RYR1: variants seen among roughly 807,000 people sequenced by gnomAD.
RYR1 encodes central core disease of muscle.
Under a neutral mutation model 583.5 loss-of-function variants are expected in RYR1, and 342 were observed. The ratio of observed to expected loss-of-function variants is 0.59; its 90% CI spans 0.54 to 0.64. The LOEUF is 0.64. RYR1 is among the 30% of genes least tolerant of loss of function. RYR1 has a pLI of 0.00. For synonymous variants in RYR1, 2,791 were observed against 2,822.5 expected (o/e 0.99, Z 0.35); for missense variants, 6,032 against 6,917.2 (o/e 0.87, Z 4.54).
intron 7 of RYR1, among the ~76,000 whole-genome samples, chr19:38,445,477 C>G (rs556499927): frequency 9.1e-4 from 139 of 152,208 alleles, no homozygotes; most frequent in Non-Finnish European, 1.3e-3. Flanking sequence ...GACCCCAAGT[C>G]TCATACCCCA....
chr19:38,509,601 G>A (rs891371596), intron 58 of RYR1, among the ~76,000 whole-genome samples: 1 of 151,808 alleles, frequency 6.6e-6, no homozygotes, highest in African/African-American at 2.4e-5. Flanking sequence ...ACAGGCGCCT[G>A]CCACCATGCC....
At position 38,486,104 on chromosome 19, in the gene RYR1, G is replaced by C. The variant is rs1226067568; in HGVS notation, c.5449G>C (p.Glu1817Gln). Residue 1817 changes from glutamate to glutamine, a missense_variant, in exon 34 of 106, where the codon GAG (glutamate) becomes CAG (glutamine). Around this residue, in one of 11 missense-constraint regions of RYR1, gnomAD observed 2,627 missense variants for 2,961.3 expected, o/e 0.89. Transcript: ENST00000359596. ...GGACAAGGCACTGAGGATGCTGGGGGAGGCGGTGCGCGACGGTGGGCAGCA... is the reference window on the plus strand; with the variant it reads ...GGACAAGGCACTGAGGATGCTGGGGCAGGCGGTGCGCGACGGTGGGCAGCA... ...LRDKALRMLG[E>Q]AVRDGGQHAR... is the part of the protein sequence containing the mutation. The C allele has an allele frequency of 6.2e-7, 1 of 1,612,934 alleles. No individual in the cohort carries two copies. The highest frequency in any genetic ancestry group is 8.5e-7 in the Non-Finnish European group (1 of 1,179,706).
At chr19:38,464,175 G>A (rs1024980464) in intron 22 of RYR1, among the ~76,000 whole-genome samples, 10 of 150,028 alleles carry the variant, frequency 6.7e-5, no homozygotes, top group Admixed American at 2.7e-4. Context: ...TCCTCAGGAG[G>A]CTGAGGCAGG....
intron 9 of RYR1, 114 bp downstream of exon 9, chr19:38,446,882 G>A: frequency 1.2e-6 from 1 of 815,956 alleles, no homozygotes; most frequent in Non-Finnish European, 1.9e-6. Context: ...GGGTCTCGAG[G>A]GAAAATCAGA....
chr19:38,546,459 CGAGCTGCTGAAG>C lies in RYR1; in HGVS notation c.12037_12048del (p.Lys4013_Leu4016del), dbSNP rs1972429577. 6.2e-7 allele frequency: 1 copy of C among 1,613,830 alleles called. No homozygotes were observed. Among genetic ancestry groups the C allele is most frequent in the Non-Finnish European group, 8.5e-7 (1 of 1,179,928 alleles). On this transcript the variant is annotated inframe_deletion, in exon 88 of 106. Coordinates refer to ENST00000359596, the MANE Select transcript of RYR1 (RefSeq NM_000540.3). ...GGGATCTCTAGGACTCAAGCCAGAT[CGAGCTGCTGAAG>C]GAGCTGCTGGATCTGCAGAAGGACA...
rs35479919 is a variant in RYR1, at chr19:38,471,899, C to CAAA, written c.3766-1459_3766-1457dup. 9.7e-3 allele frequency among the ~76,000 whole-genome samples: 580 copies of CAAA among 59,838 alleles called. 8 individuals are homozygous for CAAA. Among genetic ancestry groups the CAAA allele is most frequent in the Non-Finnish European group, 0.015 (415 of 28,032 alleles). The allele number at this position is 59,838 out of a possible 152,430, so 39.3% of individuals were successfully genotyped here. On this transcript the variant is annotated intron_variant, in intron 27 of 105. Coordinates refer to ENST00000359596, the MANE Select transcript of RYR1 (RefSeq NM_000540.3). ...CCTGGGTGACAGCGAGACTCTGTCT[C>CAAA]AAAAAAAAAAAAAAAAAAAAAGATT...
chr19:38,503,197 TA>T lies in RYR1; in HGVS notation c.7926+229del, dbSNP rs1304565287. Among the ~76,000 whole-genome samples, 6 of 152,350 alleles carry T rather than the reference TA, an allele frequency of 3.9e-5. No individual in the cohort carries two copies. In the East Asian group the frequency reaches 1.2e-3, roughly 29 times the overall value. On this transcript the variant is annotated intron_variant, in intron 49 of 105. Transcript: ENST00000359596. The stretch of plus-strand genomic sequence containing the variant: ...CCTCTAGCGTTCCCTAATTAGCATT[TA>T]ATTTGCTTAACAGTGAGCCAGCCCC...
At position 38,473,678 on chromosome 19, in the gene RYR1, C is replaced by T. The variant is rs1392466149; in HGVS notation, c.4067C>T (p.Ala1356Val). ...NGKEGTAKEG[A>V]PGGTPQAGGE... ...AAAGAAGGGACTGCGAAGGAGGGCG[C>T]CCCCGGGGGCACCCCGCAGGCGGGG... is the stretch of plus-strand genomic sequence containing the variant. The change falls in exon 28 of 106, where the codon GCC becomes GTC. Residue 1356 changes from alanine to valine, a missense_variant. Transcript: ENST00000359596. The T allele has an allele frequency of 6.4e-7, 1 of 1,550,822 alleles. No homozygotes were observed. Among genetic ancestry groups the T allele is most frequent in the Non-Finnish European group, 8.7e-7 (1 of 1,147,238 alleles).
intron 33 of RYR1, 81 bp from the exon 34 acceptor site, chr19:38,485,509 G>A: frequency 1.3e-6 from 2 of 1,562,022 alleles, no homozygotes; most frequent in South Asian, 1.1e-5. Flanking sequence ...AGTGATGAAG[G>A]AAATGGAGGA....
Position 38,524,200 on chromosome 19 carries a change from A to G in RYR1, c.10455+271A>G, listed in dbSNP as rs539044108. On this transcript the variant is annotated intron_variant, in intron 70 of 105. Coordinates refer to ENST00000359596, the MANE Select transcript of RYR1 (RefSeq NM_000540.3). ...ACTTTTGTTCCCAAAAAAAAAAAAA[A>G]AAAGAAAAAAAGAGCAACTCTCAGC... is the stretch of plus-strand genomic sequence containing the variant. 1.1e-4 allele frequency among the ~76,000 whole-genome samples: 16 copies of G among 148,318 alleles called. No individual in the cohort carries two copies. The East Asian group carries it at 1.4e-3, about 13-fold the overall frequency.
chr19:38,569,688 A>G (rs1973625498), intron 93 of RYR1, among the ~76,000 whole-genome samples: 1 of 152,172 alleles, frequency 6.6e-6, no homozygotes, highest in Non-Finnish European at 1.5e-5. Context: ...TTCAAATCCC[A>G]TCTCTGCCAC....
In RYR1 at chr19:38,523,086, G is replaced by A. The variant is rs1971294742; in HGVS notation, c.10318G>A (p.Glu3440Lys). Residue 3440 changes from glutamate to lysine, a missense_variant, in exon 68 of 106, where the codon GAG becomes AAG. Transcript: ENST00000359596. Reference protein sequence around the residue: ...SAEELFRMVGEIFIYWSKSHN... With the variant: ...SAEELFRMVGKIFIYWSKSHN... Reference sequence around the variant, plus strand: ...GGAGGAGCTGTTCAGGATGGTGGGCGAGATCTTCATCTACTGGTCCAAGTC... The same window carrying A: ...GGAGGAGCTGTTCAGGATGGTGGGCAAGATCTTCATCTACTGGTCCAAGTC... 5.6e-6 allele frequency: 9 copies of A among 1,612,486 alleles called. No individual in the cohort carries two copies. The highest frequency in any genetic ancestry group is 1.3e-5 in the African/African-American group (1 of 74,810).
chr19:38,582,982 T>A (rs1461923166), intron 101 of RYR1, among the ~76,000 whole-genome samples: 1 of 151,964 alleles, frequency 6.6e-6, no homozygotes, highest in Non-Finnish European at 1.5e-5. Context: ...CTGTGTTCTC[T>A]CACATCCTGG....
In RYR1 at chr19:38,525,405, T is replaced by G. The variant is rs1240656122; in HGVS notation, c.10529T>G (p.Ile3510Ser). 1 of 1,613,876 alleles carries G rather than the reference T, an allele frequency of 6.2e-7. No individual in the cohort carries two copies. The highest frequency in any genetic ancestry group is 1.1e-5 in the South Asian group (1 of 91,070). ...GDRYSVQTSLIVATLKKMLPI... is the reference protein window; with the variant it reads ...GDRYSVQTSLSVATLKKMLPI... The stretch of plus-strand genomic sequence containing the variant: ...CGGTACTCTGTGCAGACGTCACTGA[T>G]CGTGGCCACACTGAAGAAGATGCTG... Residue 3510 changes from isoleucine to serine, a missense_variant, in exon 71 of 106, where the codon ATC (isoleucine) becomes AGC (serine). Transcript: ENST00000359596.
At position 38,580,002 on chromosome 19, in the gene RYR1, G is replaced by C. The variant is rs565173276; in HGVS notation, c.14385G>C (p.Trp4795Cys). Reference protein sequence around the residue: ...FTDNSFLYLGWYMVMSLLGHY... With the variant: ...FTDNSFLYLGCYMVMSLLGHY... ...CACAGTCCTTCCTGTACCTGGGCTG[G>C]TATATGGTGATGTCCCTCTTGGGAC... The change falls in exon 100 of 106, where the codon TGG becomes TGC. Residue 4795 changes from tryptophan to cysteine, a missense_variant. Trp to Cys is a radical substitution (Grantham distance 215). Coordinates refer to ENST00000359596, the MANE Select transcript of RYR1 (RefSeq NM_000540.3). 2 of 1,614,124 alleles carry C rather than the reference G, an allele frequency of 1.2e-6. No individual in the cohort carries two copies. The highest frequency in any genetic ancestry group is 1.7e-6 in the Non-Finnish European group (2 of 1,180,020).
At chr19:38,570,804 G>A (rs1973680679) in intron 94 of RYR1, 111 bp downstream of exon 94, 3 of 962,456 alleles carry the variant, frequency 3.1e-6, no homozygotes, top group Non-Finnish European at 5.0e-6. Context: ...TAAGGTATTG[G>A]GCTTTGGGTC....
chr19:38,584,873 A>C, intron 101 of RYR1, 70 bp from the exon 102 acceptor site: 1 of 1,590,182 alleles, frequency 6.3e-7, no homozygotes, highest in Non-Finnish European at 8.6e-7. Context: ...AGCCCTGCCT[A>C]TCCCGGGGCC....
chr19:38,555,193 G>T (rs1214366945), intron 89 of RYR1, among the ~76,000 whole-genome samples: 3 of 152,044 alleles, frequency 2.0e-5, no homozygotes, highest in Non-Finnish European at 4.4e-5. Flanking sequence ...GGTCACGCCT[G>T]TAATCCCAGT....
At chr19:38,497,727 A>C (rs1189467270) in intron 42 of RYR1, among the ~76,000 whole-genome samples, 2 of 152,174 alleles carry the variant, frequency 1.3e-5, no homozygotes, top group Non-Finnish European at 2.9e-5. Flanking sequence ...TAATCCCAGC[A>C]CTTTGGGAGG....
Sources: gnomAD v4.1 joint callset for allele counts (sites outside exome capture counted in the v4.1 genomes callset) on GRCh38, gnomAD v4.1.1 for gene constraint, gnomAD v4.1.1 regional missense constraint, MANE v1.5 for transcripts, NCBI Gene and HGNC (gene_info 2026-07-23, HGNC 2026-07-21) for gene names.